The following ATRNL1 variants were observed in gnomAD, a reference collection of about 807,000 sequenced individuals.
ATRNL1 encodes attractin-like protein 1.
Under a neutral mutation model 182.7 loss-of-function variants are expected in ATRNL1, and 95 were observed. That is an observed-to-expected ratio of 0.52 (90% confidence interval 0.44 to 0.62). The LOEUF (loss-of-function observed/expected upper bound fraction) is 0.62, where lower values mean the gene tolerates loss of function less well. ATRNL1 is among the 20% of genes least tolerant of loss of function. The pLI is 0.00. For synonymous variants in ATRNL1, 576 were observed against 568.3 expected (o/e 1.01, Z -0.19); for missense variants, 1,471 against 1,679.5 (o/e 0.88, Z 2.17).
intron 26 of ATRNL1, among the ~76,000 whole-genome samples, chr10:115,709,540 C>A (rs1270058084): frequency 2.0e-5 from 3 of 151,020 alleles, no homozygotes; most frequent in African/African-American, 7.3e-5. Flanking sequence ...AAAGGCAGGG[C>A]AGGAAAAGAT....
intron 18 of ATRNL1, among the ~76,000 whole-genome samples, chr10:115,324,102 T>C (rs1044972079): frequency 1.3e-5 from 2 of 152,176 alleles, no homozygotes; most frequent in African/African-American, 4.8e-5. Flanking sequence ...TGTGTATTCT[T>C]TGTTTAAATC....
At chr10:115,431,182 G>A (rs1352328141) in intron 21 of ATRNL1, among the ~76,000 whole-genome samples, 1 of 152,022 alleles carries the variant, frequency 6.6e-6, no homozygotes, top group Non-Finnish European at 1.5e-5. Flanking sequence ...CGAGGCGGGC[G>A]AATCACCTGA....
intron 28 of ATRNL1, among the ~76,000 whole-genome samples, chr10:115,913,388 G>C (rs961070690): frequency 6.6e-5 from 10 of 152,158 alleles, no homozygotes; most frequent in Non-Finnish European, 1.2e-4. Context: ...ACTAGCTCTA[G>C]GGCCAGAAGA....
chr10:115,215,906 C>A, intron 9 of ATRNL1, 26 bp downstream of exon 9: 1 of 1,426,424 alleles, frequency 7.0e-7, no homozygotes, highest in South Asian at 1.6e-5. Context: ...AACACATTTT[C>A]TATGTTGCCA....
chr10:115,286,506 A>G, intron 15 of ATRNL1, 109 bp downstream of exon 15: 1 of 637,732 alleles, frequency 1.6e-6, no homozygotes, highest in Non-Finnish European at 2.5e-6. Flanking sequence ...TTGGAAATAA[A>G]AGTGAAATTG....
chr10:115,399,231 G>A (rs971216634), intron 20 of ATRNL1, among the ~76,000 whole-genome samples: 1 of 151,982 alleles, frequency 6.6e-6, no homozygotes, highest in Non-Finnish European at 1.5e-5. Flanking sequence ...TTGAGTTAGG[G>A]AGGAGTCCCT....
At chr10:115,363,314 T>C (rs1856847193) in intron 19 of ATRNL1, among the ~76,000 whole-genome samples, 1 of 152,004 alleles carries the variant, frequency 6.6e-6, no homozygotes. Context: ...CATAAATGTC[T>C]TCTTTTGAGA....
intron 26 of ATRNL1, among the ~76,000 whole-genome samples, chr10:115,632,273 T>C (rs1190783424): frequency 3.3e-5 from 5 of 152,082 alleles, no homozygotes; most frequent in Admixed American, 2.0e-4. Context: ...ACTTATGAGG[T>C]TGGCACTGAA....
chr10:115,594,034 A>G (rs1433619595), intron 26 of ATRNL1, among the ~76,000 whole-genome samples: 2 of 152,046 alleles, frequency 1.3e-5, no homozygotes, highest in Non-Finnish European at 2.9e-5. Flanking sequence ...AGATATCTTT[A>G]TATTTGATCT....
intron 26 of ATRNL1, among the ~76,000 whole-genome samples, chr10:115,608,021 A>G (rs528467509): frequency 2.6e-5 from 4 of 151,958 alleles, no homozygotes; most frequent in Admixed American, 6.6e-5. Context: ...ACATGGGATA[A>G]TTACATTTTA....
chr10:115,249,048 C>T (rs1554904768), intron 10 of ATRNL1, among the ~76,000 whole-genome samples: 2 of 152,004 alleles, frequency 1.3e-5, no homozygotes, highest in African/African-American at 4.8e-5. Flanking sequence ...ATGGCATGAC[C>T]TCGGCTCACT....
chr10:115,658,936 C>T (rs1361363374), intron 26 of ATRNL1, among the ~76,000 whole-genome samples: 1 of 152,100 alleles, frequency 6.6e-6, no homozygotes, highest in South Asian at 2.1e-4. Context: ...CATATGGTGG[C>T]AGCAAGGAGA....
chr10:115,691,179 T>G (rs373769745), intron 26 of ATRNL1, among the ~76,000 whole-genome samples: 40 of 152,288 alleles, frequency 2.6e-4, no homozygotes, highest in African/African-American at 8.4e-4. Flanking sequence ...TTCTTATTTT[T>G]AACCTTCAGG....
At chr10:115,153,200 A>C (rs1240259352) in intron 5 of ATRNL1, among the ~76,000 whole-genome samples, 3 of 152,288 alleles carry the variant, frequency 2.0e-5, no homozygotes, top group Admixed American at 1.3e-4. Flanking sequence ...TGTCTCTGCC[A>C]GGCTTTGGTA....
chr10:115,877,247 A>G (rs1418113965), intron 28 of ATRNL1, among the ~76,000 whole-genome samples: 4 of 152,208 alleles, frequency 2.6e-5, no homozygotes, highest in African/African-American at 9.6e-5. Flanking sequence ...GTTAATGTGA[A>G]AAGAGATATC....
chr10:115,423,989 A>C (rs1845764858), intron 20 of ATRNL1, among the ~76,000 whole-genome samples: 1 of 152,228 alleles, frequency 6.6e-6, no homozygotes, highest in Admixed American at 6.5e-5. Context: ...CAGAGCAAAG[A>C]GACAACCTAT....
At chr10:115,716,081 A>AT (rs1377623933) in intron 26 of ATRNL1, among the ~76,000 whole-genome samples, 5 of 152,078 alleles carry the variant, frequency 3.3e-5, no homozygotes, top group Non-Finnish European at 7.4e-5. Flanking sequence ...ATTGAAATTC[A>AT]TTTTTTTTAA....
intron 20 of ATRNL1, among the ~76,000 whole-genome samples, chr10:115,403,291 G>A (rs1296185579): frequency 8.4e-6 from 1 of 119,250 alleles, no homozygotes; most frequent in Non-Finnish European, 1.6e-5. Flanking sequence ...TGCTATATGG[G>A]GAAAAGTACA....
chr10:115,746,858 A>G (rs1219481210), intron 27 of ATRNL1, among the ~76,000 whole-genome samples: 1 of 152,130 alleles, frequency 6.6e-6, no homozygotes, highest in Non-Finnish European at 1.5e-5. Flanking sequence ...GGTCACCTAT[A>G]ACAAACTACA....
Sources: gnomAD v4.1 joint callset for allele counts (sites outside exome capture counted in the v4.1 genomes callset) on GRCh38, gnomAD v4.1.1 for gene constraint, MANE v1.5 for transcripts, NCBI Gene and HGNC (gene_info 2026-07-23, HGNC 2026-07-21) for gene names.